Variants in DMD observed in about 807,000 individuals in gnomAD.
DMD encodes dystrophin, also known as mutant dystrophin.
A neutral mutation model predicts 330.1 loss-of-function variants in DMD; 63 were observed. The observed-to-expected ratio is 0.19, with a 90% CI of 0.16 to 0.24. DMD has a LOEUF of 0.24. Ranked by LOEUF, DMD falls within the 10% of genes least tolerant of loss-of-function variation. The probability of loss-of-function intolerance (pLI) is 1.00; values close to 1 mark genes in which losing one functional copy is unlikely to be tolerated. For missense variants in DMD, 3,344 were observed against 2,684.1 expected, an observed-to-expected ratio of 1.25 and a Z score of -5.43; for synonymous variants, 1,223 against 959.8, an observed-to-expected ratio of 1.27 and a Z score of -5.07.
chrX:32,627,904 T>G lies in DMD; in HGVS notation c.1332-13451A>C, dbSNP rs764667383. 4.6e-4 allele frequency among the ~76,000 whole-genome samples: 51 copies of G among 110,915 alleles called. 1 individual carries two copies. In the South Asian group the frequency reaches 0.018, roughly 39 times the overall value. ...CCACAATACCCTATTTTTTAAATTT[T>G]TATTTTTTTGGGTATATAGTATGTG... On this transcript the variant is annotated intron_variant, in intron 11 of 78. Coordinates refer to ENST00000357033, the MANE Select transcript of DMD (RefSeq NM_004006.3).
intron 48 of DMD, among the ~76,000 whole-genome samples, chrX:31,869,639 C>A (rs971315797): frequency 3.5e-4 from 38 of 108,893 alleles, no homozygotes; most frequent in African/African-American, 1.3e-3. Flanking sequence ...TGTCTTATAG[C>A]TGCCATTTCC....
chrX:31,879,215 G>GGC (rs1556965886), intron 47 of DMD, among the ~76,000 whole-genome samples: 2 of 103,103 alleles, frequency 1.9e-5, no homozygotes, highest in East Asian at 6.1e-4. Flanking sequence ...ATGGCGGGGG[G>GGC]GGGCCTCACA....
chrX:33,144,515 G>T (rs1217186556), intron 1 of DMD, among the ~76,000 whole-genome samples: 1 of 111,824 alleles, frequency 8.9e-6, no homozygotes, highest in Non-Finnish European at 1.9e-5. Flanking sequence ...CAGATTGTAT[G>T]CCTGTATCAA....
At chrX:31,946,808 T>C (rs1164328520) in intron 45 of DMD, among the ~76,000 whole-genome samples, 1 of 109,998 alleles carries the variant, frequency 9.1e-6, no homozygotes, top group Non-Finnish European at 1.9e-5. Context: ...TTTTTTTTTT[T>C]CTCCACTGGG....
intron 44 of DMD, among the ~76,000 whole-genome samples, chrX:32,189,806 CTATGAGT>C (rs1429330747): frequency 6.3e-5 from 7 of 111,180 alleles, no homozygotes; most frequent in Non-Finnish European, 1.1e-4. Context: ...AAAAGCCTAA[CTATGAGT>C]TCATAACTGT....
intron 60 of DMD, among the ~76,000 whole-genome samples, chrX:31,370,491 T>C (rs1054363040): frequency 5.4e-5 from 6 of 111,948 alleles, no homozygotes; most frequent in African/African-American, 1.6e-4. Flanking sequence ...AATGAGATAT[T>C]CCTACACACA....
intron 1 of DMD, among the ~76,000 whole-genome samples, chrX:33,299,639 G>A (rs1335769535): frequency 9.0e-6 from 1 of 111,649 alleles, no homozygotes; most frequent in Non-Finnish European, 1.9e-5. Context: ...AGAACAGGGA[G>A]AGGTAAAGGC....
At chrX:32,943,107 A>G (rs938833297) in intron 2 of DMD, among the ~76,000 whole-genome samples, 16 of 111,742 alleles carry the variant, frequency 1.4e-4, no homozygotes, top group African/African-American at 5.2e-4. Context: ...GTTATTACAG[A>G]TTTGTCACGC....
At chrX:33,208,916 G>A (rs1444207729) in intron 1 of DMD, among the ~76,000 whole-genome samples, 2 of 111,217 alleles carry the variant, frequency 1.8e-5, no homozygotes, top group African/African-American at 6.5e-5. Flanking sequence ...AACACCTGAT[G>A]TTTCCAAGAC....
chrX:32,179,799 G>A (rs1395351026), intron 44 of DMD, among the ~76,000 whole-genome samples: 9 of 111,418 alleles, frequency 8.1e-5, no homozygotes, highest in Non-Finnish European at 1.5e-4. Context: ...CAGTGAATAA[G>A]TCTCAGGAGA....
chrX:32,107,436 A>T (rs1217056509), intron 44 of DMD, among the ~76,000 whole-genome samples: 1 of 106,929 alleles, frequency 9.4e-6, no homozygotes, highest in Admixed American at 1.0e-4. Flanking sequence ...AACTATGGAG[A>T]CTGACAACTC....
chrX:32,929,509 C>T (rs913828630), intron 2 of DMD, among the ~76,000 whole-genome samples: 16 of 110,819 alleles, frequency 1.4e-4, no homozygotes, highest in African/African-American at 4.6e-4. Flanking sequence ...CCATGTTCAA[C>T]TAATTGGCCA....
At chrX:32,832,410 C>T (rs768173518) in intron 4 of DMD, among the ~76,000 whole-genome samples, 1 of 110,972 alleles carries the variant, frequency 9.0e-6, no homozygotes, top group African/African-American at 3.3e-5. Context: ...GTACTTCCAC[C>T]ATCTATTTGG....
At chrX:32,726,536 GC>G (rs1274284168) in intron 7 of DMD, among the ~76,000 whole-genome samples, 1 of 111,143 alleles carries the variant, frequency 9.0e-6, no homozygotes, top group Non-Finnish European at 1.9e-5. Context: ...GGAAAGGGTA[GC>G]TTTTACTCTT....
chrX:32,801,026 C>T (rs781587063), intron 7 of DMD, among the ~76,000 whole-genome samples: 1 of 111,231 alleles, frequency 9.0e-6, no homozygotes, highest in South Asian at 3.8e-4. Flanking sequence ...AATTTATAAT[C>T]CTTTGGGTAT....
intron 9 of DMD, among the ~76,000 whole-genome samples, chrX:32,681,109 C>T (rs1569449132): frequency 1.8e-5 from 2 of 112,073 alleles, no homozygotes; most frequent in African/African-American, 3.2e-5. Context: ...TTTCGTCCAT[C>T]TCTTAAGCAT....
intron 55 of DMD, among the ~76,000 whole-genome samples, chrX:31,514,927 G>A (rs1287533290): frequency 9.0e-6 from 1 of 111,479 alleles, no homozygotes; most frequent in Non-Finnish European, 1.9e-5. Context: ...AATGAGAGTT[G>A]AGAGAAATAG....
At chrX:32,358,096 T>A (rs964116953) in intron 37 of DMD, among the ~76,000 whole-genome samples, 3 of 110,352 alleles carry the variant, frequency 2.7e-5, no homozygotes, top group African/African-American at 9.9e-5. Flanking sequence ...GAAAATAATA[T>A]ATGGTTGGTG....
intron 61 of DMD, among the ~76,000 whole-genome samples, chrX:31,341,891 G>GCGCGCGCACACACACACACACACA (rs374298104): frequency 3.0e-5 from 3 of 98,876 alleles, no homozygotes; most frequent in African/African-American, 1.1e-4. Flanking sequence ...GTGCGCGCGC[G>GCGCGCGCACACACACACACACACA]CACACACACA....
Sources: gnomAD v4.1 joint callset for allele counts (sites outside exome capture counted in the v4.1 genomes callset) on GRCh38, gnomAD v4.1.1 for gene constraint, MANE v1.5 for transcripts, NCBI Gene and HGNC (gene_info 2026-07-23, HGNC 2026-07-21) for gene names.